The following AFF4 variants were observed in gnomAD, a reference collection of about 807,000 sequenced individuals.
AFF4 encodes the protein AF4/FMR2 family member 4.
A neutral mutation model predicts 124.8 loss-of-function variants in AFF4; 13 were observed. The ratio of observed to expected loss-of-function variants is 0.10; its 90% confidence interval spans 0.07 to 0.17. The LOEUF is 0.17. Among genes scored for constraint, AFF4 ranks in the 10% least tolerant of loss-of-function variants. AFF4 has a pLI of 1.00. For missense variants in AFF4, 1,092 were observed against 1,403.8 expected (o/e 0.78, Z 3.55); for synonymous variants, 477 against 496.1 (o/e 0.96, Z 0.51).
At position 132,898,211 on chromosome 5, in the gene AFF4, C is replaced by A. The variant is rs979698241; in HGVS notation, c.1389+19G>T. 2 of 1,613,598 alleles carry A rather than the reference C, an allele frequency of 1.2e-6. No homozygotes were observed. The highest frequency in any genetic ancestry group is 2.7e-5 in the African/African-American group (2 of 75,010). ...CCCTGAGAGGGCCTGTGGAAGGTAC[C>A]CCACCGCCTCTGTCTCACCTCGGGA... On this transcript the variant is annotated intron_variant, in intron 10 of 20. Coordinates refer to ENST00000265343, the MANE Select transcript of AFF4 (RefSeq NM_014423.4).
chr5:132,899,100 C>T lies in AFF4; in HGVS notation c.1226+4G>A. ...AATAAAACAGAAAAGAAAAGGATGC[C>T]CACCTTCCTGGTGTACTCCTCGGCA... is the stretch of plus-strand genomic sequence containing the variant. On this transcript the variant is annotated splice_donor_region_variant and intron_variant, in intron 9 of 20. Coordinates refer to ENST00000265343, the MANE Select transcript of AFF4 (RefSeq NM_014423.4). 6.2e-7 allele frequency: 1 copy of T among 1,612,772 alleles called. No individual in the cohort carries two copies. Among genetic ancestry groups the T allele is most frequent in the Non-Finnish European group, 8.5e-7 (1 of 1,179,120 alleles).
chr5:132,940,958 C>T (rs902293048), intron 1 of AFF4, among the ~76,000 whole-genome samples: 5 of 151,414 alleles, frequency 3.3e-5, no homozygotes, highest in Non-Finnish European at 7.4e-5. Flanking sequence ...ACTCAGGAGG[C>T]GGAGGTTGCA....
intron 2 of AFF4, among the ~76,000 whole-genome samples, chr5:132,936,290 A>AAG (rs1327555849): frequency 2.6e-5 from 4 of 151,278 alleles, no homozygotes; most frequent in African/African-American, 9.7e-5. Flanking sequence ...AAAAAAAAAA[A>AAG]AAATTAACTT....
At chr5:132,938,711 A>G (rs1761492387) in intron 1 of AFF4, among the ~76,000 whole-genome samples, 1 of 151,926 alleles carries the variant, frequency 6.6e-6, no homozygotes, top group Non-Finnish European at 1.5e-5. Flanking sequence ...TGGGAGGCCG[A>G]GGTGGGCAGA....
At chr5:132,885,965 G>A (rs1760108448) in intron 18 of AFF4, among the ~76,000 whole-genome samples, 1 of 152,000 alleles carries the variant, frequency 6.6e-6, no homozygotes, top group South Asian at 2.1e-4. Flanking sequence ...GTAGAGATGG[G>A]GTTTCACCAT....
chr5:132,902,840 T>C (rs1201981565), intron 6 of AFF4, among the ~76,000 whole-genome samples: 1 of 152,170 alleles, frequency 6.6e-6, no homozygotes, highest in South Asian at 2.1e-4. Flanking sequence ...AAGCACACAC[T>C]TGGGAATGTT....
chr5:132,955,212 GTGGAGCT>G (rs1465187713), intron 1 of AFF4, among the ~76,000 whole-genome samples: 1 of 152,144 alleles, frequency 6.6e-6, no homozygotes, highest in Non-Finnish European at 1.5e-5. Context: ...TCCTCTGCTA[GTGGAGCT>G]TGGAGTTTTT....
chr5:132,885,465 A>AGGGGTGGGTGGG (rs2150065034), intron 18 of AFF4, among the ~76,000 whole-genome samples: 2 of 2,900 alleles, frequency 6.9e-4, no homozygotes, highest in South Asian at 0.022. Context: ...CTCTTAAAAA[A>AGGGGTGGGTGGG]GGGGTGGGTG....
At chr5:132,941,981 C>T (rs551127703) in intron 1 of AFF4, among the ~76,000 whole-genome samples, 64 of 148,750 alleles carry the variant, frequency 4.3e-4, no homozygotes, top group South Asian at 3.4e-3. Flanking sequence ...CACTCCAGCC[C>T]GGGGAACAGA....
At position 132,934,696 on chromosome 5, in the gene AFF4, C is replaced by G. The variant is rs1761384842; in HGVS notation, c.369G>C (p.Arg123=). ...TATGTCCACTCTGTAAGCCTGAGGACCGTTTCTGAGACTGAGAAGTGCTGG... is the reference window on the plus strand; with the variant it reads ...TATGTCCACTCTGTAAGCCTGAGGAGCGTTTCTGAGACTGAGAAGTGCTGG... ...PAPSTSQSQK[R]SSGLQSGHSS... is the part of the protein sequence containing the mutation. Residue 123 remains arginine, a synonymous_variant, in exon 3 of 21, where the codon CGG becomes CGC. Transcript: ENST00000265343. The G allele has an allele frequency of 1.2e-6, 2 of 1,613,942 alleles. No individual in the cohort carries two copies. Among genetic ancestry groups the G allele is most frequent in the Admixed American group, 1.7e-5 (1 of 59,956 alleles).
At chr5:132,957,827 C>G (rs1414494796) in intron 1 of AFF4, among the ~76,000 whole-genome samples, 6 of 152,108 alleles carry the variant, frequency 3.9e-5, no homozygotes, top group African/African-American at 1.2e-4. Flanking sequence ...ATCTCATCAA[C>G]ACAATCTAGA....
Position 132,952,910 on chromosome 5 carries a change from A to G in AFF4, c.-5+10349T>C, listed in dbSNP as rs184598083. 3.3e-5 allele frequency among the ~76,000 whole-genome samples: 5 copies of G among 151,840 alleles called. No homozygotes were observed. In the East Asian group the frequency reaches 9.7e-4, roughly 29 times the overall value. On this transcript the variant is annotated intron_variant, in intron 1 of 20. Coordinates refer to ENST00000265343, the MANE Select transcript of AFF4 (RefSeq NM_014423.4). ...GAGACTCTGTCTCAAACAAAAAACAAAAAAAAACACAACTCTATGCCTACA... is the reference window on the plus strand; with the variant it reads ...GAGACTCTGTCTCAAACAAAAAACAGAAAAAAACACAACTCTATGCCTACA...
At chr5:132,912,033 G>C (rs1349391148) in intron 5 of AFF4, among the ~76,000 whole-genome samples, 1 of 151,782 alleles carries the variant, frequency 6.6e-6, no homozygotes, top group East Asian at 1.9e-4. Context: ...AGTACTAAAA[G>C]AAATATTAAA....
At chr5:132,888,517 C>G (rs1581270747) in intron 14 of AFF4, among the ~76,000 whole-genome samples, 1 of 152,064 alleles carries the variant, frequency 6.6e-6, no homozygotes, top group Admixed American at 6.5e-5. Context: ...AGAAACCCTC[C>G]ATTTTAACAG....
intron 5 of AFF4, among the ~76,000 whole-genome samples, chr5:132,919,647 C>T (rs1269580357): frequency 6.6e-6 from 1 of 152,038 alleles, no homozygotes; most frequent in East Asian, 1.9e-4. Flanking sequence ...CTTAGGAGTT[C>T]GAGACCAGGC....
chr5:132,904,228 G>GAAAAAAAAAA, intron 6 of AFF4, 140 bp downstream of exon 6: 1 of 524,742 alleles, frequency 1.9e-6, no homozygotes. Flanking sequence ...CTACACTCCA[G>GAAAAAAAAAA]AAAAAAAAAA....
chr5:132,936,908 T>C (rs1761445490), intron 2 of AFF4, among the ~76,000 whole-genome samples, 159 bp downstream of exon 2: 1 of 152,186 alleles, frequency 6.6e-6, no homozygotes, highest in Non-Finnish European at 1.5e-5. Flanking sequence ...CAAAGAAAAG[T>C]TTATCCCCAA....
chr5:132,886,533 G>A (rs1271624442), intron 17 of AFF4, 130 bp from the exon 18 acceptor site: 1 of 726,110 alleles, frequency 1.4e-6, no homozygotes, highest in African/African-American at 1.8e-5. Context: ...TTAACCGTTA[G>A]GCAAAACCAA....
At chr5:132,938,511 C>T (rs998938226) in intron 1 of AFF4, among the ~76,000 whole-genome samples, 3 of 151,994 alleles carry the variant, frequency 2.0e-5, no homozygotes, top group Middle Eastern at 6.8e-3. Context: ...GTGATCCTCC[C>T]ACCTTGGCCT....
Sources: allele counts gnomAD v4.1 joint callset (sites outside exome capture counted in the v4.1 genomes callset), GRCh38; gene constraint gnomAD v4.1.1; transcripts MANE v1.5; gene names NCBI Gene and HGNC (gene_info 2026-07-23, HGNC 2026-07-21).